Variants in EYS observed in about 807,000 individuals in gnomAD.
EYS encodes the protein protein eyes shut homolog.
Under a neutral mutation model 282.1 loss-of-function variants are expected in EYS, and 250 were observed. The observed-to-expected ratio is 0.89, with a 90% confidence interval of 0.80 to 0.98. The LOEUF is 0.98. Ranked by LOEUF, EYS falls within the 50% of genes least tolerant of loss-of-function variation. The probability of loss-of-function intolerance (pLI) is 0.00; values close to 1 mark genes in which losing one functional copy is unlikely to be tolerated. For synonymous variants in EYS, 1,355 were observed against 1,282.9 expected (o/e 1.06, Z -1.20); for missense variants, 4,016 against 3,709.0 (o/e 1.08, Z -2.15).
At chr6:64,731,220 C>A (rs1192108400) in intron 22 of EYS, among the ~76,000 whole-genome samples, 1 of 151,998 alleles carries the variant, frequency 6.6e-6, no homozygotes, top group Non-Finnish European at 1.5e-5. Context: ...TAGGCATGGG[C>A]AAAGACTACA....
At chr6:64,927,463 A>G (rs985552881) in intron 15 of EYS, among the ~76,000 whole-genome samples, 1 of 152,188 alleles carries the variant, frequency 6.6e-6, no homozygotes, top group African/African-American at 2.4e-5. Context: ...AATTCTATAG[A>G]CTGAAACAAT....
At chr6:64,224,385 C>G (rs1766195106) in intron 31 of EYS, among the ~76,000 whole-genome samples, 1 of 151,940 alleles carries the variant, frequency 6.6e-6, no homozygotes, top group African/African-American at 2.4e-5. Flanking sequence ...GTCATTATGT[C>G]TTTTGATTGA....
chr6:64,968,096 C>A (rs1034996231), intron 14 of EYS, among the ~76,000 whole-genome samples: 1 of 152,118 alleles, frequency 6.6e-6, no homozygotes. Flanking sequence ...TGTACCCTCT[C>A]TTCAAGATTA....
intron 13 of EYS, among the ~76,000 whole-genome samples, chr6:65,053,395 T>C (rs16896180): frequency 0.14 from 21,694 of 151,808 alleles, 1,577 homozygotes; most frequent in East Asian, 0.21. Flanking sequence ...TTATGTATTA[T>C]TATTATGCTA....
At chr6:65,104,783 A>G (rs934576386) in intron 12 of EYS, among the ~76,000 whole-genome samples, 4 of 151,626 alleles carry the variant, frequency 2.6e-5, no homozygotes, top group Non-Finnish European at 5.9e-5. Flanking sequence ...CATGTAGCCT[A>G]TCAAGGTTAT....
chr6:65,616,371 A>G (rs1766198834), intron 2 of EYS, among the ~76,000 whole-genome samples: 1 of 151,404 alleles, frequency 6.6e-6, no homozygotes, highest in African/African-American at 2.4e-5. Context: ...TGTTTAAGAC[A>G]ATTAATGTGT....
At chr6:63,848,921 T>A (rs1772170686) in intron 36 of EYS, among the ~76,000 whole-genome samples, 1 of 152,230 alleles carries the variant, frequency 6.6e-6, no homozygotes, top group African/African-American at 2.4e-5. Flanking sequence ...CCCAGCAAGC[T>A]AAGATCCACT....
intron 41 of EYS, chr6:63,742,094 C>G: frequency 1.5e-6 from 1 of 649,042 alleles, no homozygotes; most frequent in Non-Finnish European, 2.9e-6. Context: ...TTTAACTCTT[C>G]ACTTGTACAT....
chr6:65,464,129 T>C (rs983769718), intron 5 of EYS, among the ~76,000 whole-genome samples: 3 of 152,182 alleles, frequency 2.0e-5, no homozygotes, highest in Non-Finnish European at 2.9e-5. Flanking sequence ...TCTAATCTTA[T>C]GCAATTACGC....
chr6:64,535,183 G>C (rs1764480985), intron 26 of EYS, among the ~76,000 whole-genome samples: 1 of 151,886 alleles, frequency 6.6e-6, no homozygotes, highest in African/African-American at 2.4e-5. Flanking sequence ...AAATTCTCTG[G>C]GAATGTTCTT....
At chr6:64,676,316 CTA>C (rs199984162) in intron 22 of EYS, among the ~76,000 whole-genome samples, 3 of 119,034 alleles carry the variant, frequency 2.5e-5, no homozygotes, top group African/African-American at 5.8e-5. Flanking sequence ...TCCAATATAT[CTA>C]TATATATATA....
At chr6:64,992,659 A>G (rs934573097) in intron 14 of EYS, among the ~76,000 whole-genome samples, 4 of 151,940 alleles carry the variant, frequency 2.6e-5, no homozygotes, top group Non-Finnish European at 5.9e-5. Context: ...TCCTTTCTTT[A>G]GGCATATTCA....
chr6:64,210,856 C>T (rs1291605958), intron 31 of EYS, among the ~76,000 whole-genome samples: 2 of 151,998 alleles, frequency 1.3e-5, no homozygotes, highest in Non-Finnish European at 2.9e-5. Flanking sequence ...TGAGGGCCTG[C>T]GTATAACAAA....
intron 7 of EYS, among the ~76,000 whole-genome samples, chr6:65,400,737 G>C (rs374082375): frequency 1.3e-5 from 2 of 151,772 alleles, no homozygotes; most frequent in South Asian, 4.2e-4. Context: ...TAGATCTATA[G>C]CATATGTTCA....
Position 65,268,724 on chromosome 6 carries a change from G to A in EYS, c.2023+27139C>T, listed in dbSNP as rs565280509. On this transcript the variant is annotated intron_variant, in intron 12 of 42. Coordinates refer to ENST00000503581, the MANE Select transcript of EYS (RefSeq NM_001142800.2). ...ATTCTCTAGAAAGAAGAACATCATC[G>A]TTTTATCTGGAAAGAAAAACTGCTA... Among the ~76,000 whole-genome samples, 19 of 151,910 alleles carry A rather than the reference G, an allele frequency of 1.3e-4. No individual in the cohort carries two copies. The South Asian group carries it at 2.5e-3, about 20-fold the overall frequency.
chr6:63,905,517 A>T (rs1486681525), intron 35 of EYS, among the ~76,000 whole-genome samples: 1 of 151,626 alleles, frequency 6.6e-6, no homozygotes, highest in African/African-American at 2.4e-5. Flanking sequence ...TTTTTAGTAG[A>T]GATGGGGTTT....
At chr6:65,344,543 G>C (rs1770324472) in intron 9 of EYS, among the ~76,000 whole-genome samples, 1 of 151,580 alleles carries the variant, frequency 6.6e-6, no homozygotes, top group Admixed American at 6.6e-5. Flanking sequence ...CAAAAGAGCA[G>C]AAGAAAGAAG....
chr6:64,572,806 T>C (rs1466126538), intron 26 of EYS, among the ~76,000 whole-genome samples: 3 of 152,158 alleles, frequency 2.0e-5, no homozygotes, highest in Non-Finnish European at 4.4e-5. Context: ...TCCATGCTCA[T>C]AGACAGAAAG....
At chr6:64,175,340 C>G (rs1206593893) in intron 31 of EYS, among the ~76,000 whole-genome samples, 2 of 152,050 alleles carry the variant, frequency 1.3e-5, no homozygotes, top group Non-Finnish European at 2.9e-5. Flanking sequence ...GTGCTTCTAT[C>G]CCTTTCAGGA....
Sources: gnomAD v4.1 joint callset for allele counts (sites outside exome capture counted in the v4.1 genomes callset) on GRCh38, gnomAD v4.1.1 for gene constraint, MANE v1.5 for transcripts, NCBI Gene and HGNC (gene_info 2026-07-23, HGNC 2026-07-21) for gene names.